The following PDXDC1 variants were observed in gnomAD, a reference collection of about 807,000 sequenced individuals.
PDXDC1 encodes the protein pyridoxal dependent decarboxylase domain containing 1.
A neutral mutation model predicts 100.1 loss-of-function variants in PDXDC1; 42 were observed. The ratio of observed to expected loss-of-function variants is 0.42; its 90% CI spans 0.33 to 0.54. The LOEUF is 0.54. Among genes scored for constraint, PDXDC1 ranks in the 20% least tolerant of loss-of-function variants. The probability of loss-of-function intolerance (pLI) is 0.10; values close to 1 mark genes in which losing one functional copy is unlikely to be tolerated. For missense variants in PDXDC1, 636 were observed against 979.2 expected (o/e 0.65, Z 4.68); for synonymous variants, 260 against 371.7 (o/e 0.70, Z 3.46).
chr16:15,102,246 C>A (rs1429563251), intron 16 of PDXDC1, among the ~76,000 whole-genome samples: 3 of 151,754 alleles, frequency 2.0e-5, no homozygotes, highest in Non-Finnish European at 4.4e-5. Flanking sequence ...CCCACCTCAG[C>A]CTCCCAAAGT....
chr16:15,032,668 A>AAAAAATAAAAAAAAG, intron 17 of PDXDC1, 193 bp from the exon 18 acceptor site: 1 of 374,106 alleles, frequency 2.7e-6, no homozygotes. Flanking sequence ...AAAAAAAAAA[A>AAAAAATAAAAAAAAG]AGGCTTTCCT....
chr16:15,031,161 C>T (rs2043042393), intron 16 of PDXDC1, among the ~76,000 whole-genome samples: 1 of 132,414 alleles, frequency 7.6e-6, no homozygotes, highest in Non-Finnish European at 1.6e-5. Context: ...CTCACTCTGT[C>T]ACCCAGGCTG....
chr16:15,034,641 T>G (rs538835513), intron 21 of PDXDC1, 88 bp downstream of exon 21: 2 of 944,012 alleles, frequency 2.1e-6, no homozygotes, highest in South Asian at 2.7e-5. Flanking sequence ...CCACTGAGAA[T>G]CCCGCCCTGG....
intron 16 of PDXDC1, chr16:15,125,832 C>T (rs746249533): frequency 6.8e-5 from 63 of 924,324 alleles, no homozygotes; most frequent in Middle Eastern, 3.1e-4. Flanking sequence ...CAGTGGTCAG[C>T]GGGCGGCAGC....
In PDXDC1 at chr16:15,037,971, G is replaced by A. The variant is rs1465741735; in HGVS notation, c.*1696G>A. On this transcript the variant is annotated 3_prime_UTR_variant, in exon 23 of 23. Transcript: ENST00000396410. The stretch of plus-strand genomic sequence containing the variant: ...ATGTAGGATCCAGATCTGGATTCGT[G>A]CCAGCCCCACCAATGGTCTGTCAGG... The A allele has an allele frequency of 4.6e-6, 6 of 1,307,184 alleles. No homozygotes were observed. The highest frequency in any genetic ancestry group is 1.9e-5 in the Admixed American group (1 of 53,408). 81.0% of individuals were successfully genotyped at this position (1,307,184 alleles called of 1,614,324 possible). A position where few individuals can be genotyped will look rare whatever the true frequency, so the allele number is the denominator to read the frequency against.
In PDXDC1 at chr16:15,064,269, G is replaced by A. The variant is rs1248040700; in HGVS notation, c.1399+34213G>A. On this transcript the variant is annotated intron_variant, in intron 16 of 16. Coordinates refer to the PDXDC1 transcript ENST00000535621. ...CGGCTCACTGCAACCTCCACCTCCC[G>A]GGTTCAAGAGATTCTCCTGCCTCAG... Among the ~76,000 whole-genome samples the A allele has an allele frequency of 4.0e-5, 6 of 151,834 alleles. No individual in the cohort carries two copies. In the South Asian group the frequency reaches 8.3e-4, roughly 21 times the overall value.
chr16:15,127,838 A>T, intron 16 of PDXDC1: 1 of 1,565,016 alleles, frequency 6.4e-7, no homozygotes, highest in Non-Finnish European at 8.6e-7. Context: ...TGCTTGTCAA[A>T]GAAGCCGCAC....
rs541301143 is a variant in PDXDC1 at position 15,128,129 on chromosome 16, C to A, written c.1400-10750C>A. The A allele has an allele frequency of 1.9e-6, 3 of 1,610,052 alleles. No homozygotes were observed. In the Admixed American group the frequency reaches 5.0e-5, roughly 27 times the overall value. On this transcript the variant is annotated intron_variant, in intron 16 of 16. Coordinates refer to the PDXDC1 transcript ENST00000535621. ...GACGTGCTGCAGGAACCAGGCAGGG[C>A]TGAGCCCTGCAGAGGCGCGGGAGGG...
intron 9 of PDXDC1, 133 bp from the exon 10 acceptor site, chr16:15,016,987 G>C: frequency 8.8e-7 from 1 of 1,139,142 alleles, no homozygotes; most frequent in Non-Finnish European, 1.3e-6. Flanking sequence ...TTCTGTTGCT[G>C]TTAATGAAAG....
chr16:15,042,312 A>C (rs1204704406), downstream of PDXDC1, among the ~76,000 whole-genome samples: 2 of 151,614 alleles, frequency 1.3e-5, no homozygotes. Context: ...CAGCCTCCCA[A>C]GTAGCTGGGA....
At chr16:14,982,902 A>T (rs1003021146) in intron 1 of PDXDC1, among the ~76,000 whole-genome samples, 4 of 152,278 alleles carry the variant, frequency 2.6e-5, no homozygotes, top group African/African-American at 9.6e-5. Context: ...ATCACTATTC[A>T]GGATTTACCT....
At chr16:15,085,584 C>A in intron 16 of PDXDC1, 1 of 1,593,028 alleles carries the variant, frequency 6.3e-7, no homozygotes, top group Non-Finnish European at 8.6e-7. Flanking sequence ...TCCCAAAGTG[C>A]TGGGATTATG....
intron 16 of PDXDC1, among the ~76,000 whole-genome samples, chr16:15,088,423 G>GGC (rs999250879): frequency 1.3e-5 from 2 of 151,894 alleles, no homozygotes; most frequent in African/African-American, 4.8e-5. Flanking sequence ...GCCATGATCG[G>GGC]GCCCATTACA....
chr16:14,977,323 A>G (rs1165135444), intron 1 of PDXDC1, among the ~76,000 whole-genome samples: 1 of 121,176 alleles, frequency 8.3e-6, no homozygotes, highest in Non-Finnish European at 1.6e-5. Flanking sequence ...TCTCTTGCCC[A>G]GGCTGGAGTG....
At chr16:15,084,723 C>T (rs1308456381) in intron 16 of PDXDC1, 1 of 1,602,138 alleles carries the variant, frequency 6.2e-7, no homozygotes, top group Non-Finnish European at 8.6e-7. Context: ...GAGAAAAGTT[C>T]AGAGTATGAG....
chr16:15,025,954 C>T (rs1381102258), intron 13 of PDXDC1: 2 of 152,332 alleles, frequency 1.3e-5, no homozygotes, highest in African/African-American at 2.4e-5. Flanking sequence ...TCGTCTTCGG[C>T]CTGTCTTTAA....
intron 1 of PDXDC1, among the ~76,000 whole-genome samples, chr16:14,987,054 T>C (rs1401060168): frequency 6.6e-6 from 1 of 152,290 alleles, no homozygotes; most frequent in East Asian, 1.9e-4. Context: ...GGCCATGCTT[T>C]CACTCTTAAA....
intron 1 of PDXDC1, among the ~76,000 whole-genome samples, chr16:14,987,764 A>G (rs1969720417): frequency 6.6e-6 from 1 of 152,230 alleles, no homozygotes; most frequent in Non-Finnish European, 1.5e-5. Context: ...GGCACCCCCC[A>G]CCACGCCTGG....
At chr16:15,044,581 G>T (rs1201356211) in intron 16 of PDXDC1, 1 of 607,962 alleles carries the variant, frequency 1.6e-6, no homozygotes, top group Non-Finnish European at 2.9e-6. Context: ...AAGGCCAGTG[G>T]CGAGCTTCTG....
Sources: gnomAD v4.1 joint callset for allele counts (sites outside exome capture counted in the v4.1 genomes callset) on GRCh38, gnomAD v4.1.1 for gene constraint, MANE v1.5 for transcripts, NCBI Gene and HGNC (gene_info 2026-07-23, HGNC 2026-07-21) for gene names.